Variants in ROBO2 observed in about 807,000 individuals in gnomAD.
ROBO2 encodes roundabout homolog 2.
Under a neutral mutation model 160.8 loss-of-function variants are expected in ROBO2, and 53 were observed. The ratio of observed to expected loss-of-function variants is 0.33; its 90% confidence interval spans 0.26 to 0.41. The LOEUF is 0.41. ROBO2 is among the 10% of genes least tolerant of loss of function. The pLI, the probability that ROBO2 is intolerant of heterozygous loss-of-function variation, is 1.00. For missense variants in ROBO2, 1,577 were observed against 1,722.4 expected, an observed-to-expected ratio of 0.92 and a Z score of 1.49; for synonymous variants, 664 against 611.7, an observed-to-expected ratio of 1.09 and a Z score of -1.26.
chr3:76,247,344 T>C (rs1429467616), intron 2 of ROBO2, among the ~76,000 whole-genome samples: 1 of 152,194 alleles, frequency 6.6e-6, no homozygotes, highest in Non-Finnish European at 1.5e-5. Flanking sequence ...CCTCCCCACA[T>C]GCATTCTTGA....
At chr3:76,484,693 C>G (rs915017944) in intron 2 of ROBO2, among the ~76,000 whole-genome samples, 2 of 152,114 alleles carry the variant, frequency 1.3e-5, no homozygotes, top group African/African-American at 4.8e-5. Flanking sequence ...GAGATTTCTG[C>G]TGCTTTATTA....
chr3:76,223,715 G>A (rs72630382), intron 2 of ROBO2, among the ~76,000 whole-genome samples: 24,066 of 152,096 alleles, frequency 0.16, 2,356 homozygotes, highest in African/African-American at 0.25. Context: ...CGCTACAGGA[G>A]ATAAGGCTCT....
At chr3:76,463,042 C>T (rs1177462780) in intron 2 of ROBO2, among the ~76,000 whole-genome samples, 5 of 152,170 alleles carry the variant, frequency 3.3e-5, no homozygotes, top group Non-Finnish European at 7.4e-5. Flanking sequence ...TTGTACTCCA[C>T]TTATGACAGC....
chr3:76,971,221 T>C (rs958146743), intron 2 of ROBO2, among the ~76,000 whole-genome samples: 4 of 152,182 alleles, frequency 2.6e-5, no homozygotes, highest in African/African-American at 9.6e-5. Flanking sequence ...CTGTAATTAA[T>C]TGCCCAGCAT....
At chr3:77,148,988 C>T (rs531165703) in intron 2 of ROBO2, among the ~76,000 whole-genome samples, 8 of 151,494 alleles carry the variant, frequency 5.3e-5, no homozygotes, top group South Asian at 2.1e-4. Flanking sequence ...GTATTAAGAT[C>T]GCTACTAACC....
At chr3:77,347,100 A>C (rs1233253480) in intron 2 of ROBO2, among the ~76,000 whole-genome samples, 2 of 152,118 alleles carry the variant, frequency 1.3e-5, no homozygotes, top group Non-Finnish European at 2.9e-5. Flanking sequence ...AGAAATTTAG[A>C]GTAATGTAAC....
chr3:76,002,570 C>T (rs971053712), intron 2 of ROBO2, among the ~76,000 whole-genome samples: 1 of 152,172 alleles, frequency 6.6e-6, no homozygotes, highest in Non-Finnish European at 1.5e-5. Context: ...TTCTCATTTT[C>T]TCTTGCCTGC....
At chr3:77,425,180 G>A (rs1465451956) in intron 2 of ROBO2, among the ~76,000 whole-genome samples, 4 of 149,258 alleles carry the variant, frequency 2.7e-5, no homozygotes, top group South Asian at 2.1e-4. Context: ...CTAGTTGTCA[G>A]GGATGCAATG....
At chr3:77,312,812 A>T (rs534983765) in intron 2 of ROBO2, among the ~76,000 whole-genome samples, 3 of 152,370 alleles carry the variant, frequency 2.0e-5, no homozygotes, top group Admixed American at 6.5e-5. Flanking sequence ...GAATAGAGAC[A>T]TACATGTCAG....
intron 1 of ROBO2, among the ~76,000 whole-genome samples, chr3:77,061,835 G>A (rs1164678304): frequency 2.0e-5 from 3 of 152,128 alleles, no homozygotes; most frequent in South Asian, 4.1e-4. Flanking sequence ...TTCTATGCAG[G>A]ACAGGAATAC....
intron 2 of ROBO2, among the ~76,000 whole-genome samples, chr3:76,484,660 A>G (rs999321447): frequency 3.9e-5 from 6 of 152,278 alleles, no homozygotes; most frequent in South Asian, 2.1e-4. Context: ...GGAACTGGAT[A>G]ATTTGTGTTA....
intron 1 of ROBO2, among the ~76,000 whole-genome samples, chr3:77,073,305 A>T (rs1294018289): frequency 6.6e-6 from 1 of 152,232 alleles, no homozygotes; most frequent in African/African-American, 2.4e-5. Flanking sequence ...GTCATAAGAA[A>T]TGAGCAGAGT....
chr3:76,174,318 G>T (rs1450447373), intron 2 of ROBO2, among the ~76,000 whole-genome samples: 1 of 152,130 alleles, frequency 6.6e-6, no homozygotes. Context: ...TAGGTTGCCT[G>T]TTCACTCTGA....
At chr3:76,517,424 A>G (rs1400900121) in intron 2 of ROBO2, among the ~76,000 whole-genome samples, 4 of 152,146 alleles carry the variant, frequency 2.6e-5, no homozygotes, top group Non-Finnish European at 5.9e-5. Context: ...CAGGAGCACT[A>G]ATAGGTCGAT....
chr3:75,945,185 A>G (rs1445326676), intron 2 of ROBO2, among the ~76,000 whole-genome samples: 1 of 152,170 alleles, frequency 6.6e-6, no homozygotes, highest in Non-Finnish European at 1.5e-5. Context: ...TAACATAGGG[A>G]GACAGATAAC....
intron 2 of ROBO2, among the ~76,000 whole-genome samples, chr3:76,960,181 C>G (rs1350444464): frequency 6.6e-6 from 1 of 151,852 alleles, no homozygotes; most frequent in Non-Finnish European, 1.5e-5. Context: ...GATGCAAAAT[C>G]TTCACACAAA....
intron 2 of ROBO2, among the ~76,000 whole-genome samples, chr3:76,622,260 A>C (rs1386497838): frequency 1.4e-5 from 1 of 71,264 alleles, no homozygotes; most frequent in Non-Finnish European, 2.9e-5. Flanking sequence ...GAAAGAAAGA[A>C]AGAAAGAAAG....
chr3:76,938,434 T>C (rs748190626), intron 2 of ROBO2, among the ~76,000 whole-genome samples: 1 of 151,316 alleles, frequency 6.6e-6, no homozygotes, highest in Non-Finnish European at 1.5e-5. Flanking sequence ...GCTTCCCTCT[T>C]TATCTGATTC....
chr3:76,176,864 A>C (rs1575760903), intron 2 of ROBO2, among the ~76,000 whole-genome samples: 1 of 152,258 alleles, frequency 6.6e-6, no homozygotes. Flanking sequence ...GTTTTATAGT[A>C]GAACACTCAA....
Sources: allele counts gnomAD v4.1 joint callset (sites outside exome capture counted in the v4.1 genomes callset), GRCh38; gene constraint gnomAD v4.1.1; transcripts MANE v1.5; gene names NCBI Gene and HGNC (gene_info 2026-07-23, HGNC 2026-07-21).